KCTD16: variants seen among roughly 807,000 people sequenced by gnomAD.
The protein encoded by KCTD16 is BTB/POZ domain-containing protein KCTD16.
KCTD16 carries 13 observed loss-of-function variants against 33.2 expected under a neutral mutation model. The observed-to-expected ratio is 0.39, with a 90% CI of 0.25 to 0.62. The LOEUF (loss-of-function observed/expected upper bound fraction) is 0.62, where lower values mean the gene tolerates loss of function less well. Among genes scored for constraint, KCTD16 ranks in the 20% least tolerant of loss-of-function variants. The pLI is 0.50. For synonymous variants in KCTD16, 197 were observed against 195.3 expected (o/e 1.01, Z -0.07); for missense variants, 441 against 525.1 (o/e 0.84, Z 1.57).
intron 3 of KCTD16, among the ~76,000 whole-genome samples, chr5:144,242,347 A>G (rs1374727988): frequency 6.6e-6 from 1 of 152,060 alleles, no homozygotes; most frequent in Non-Finnish European, 1.5e-5. Flanking sequence ...TGGTAATAAA[A>G]TATTATTATT....
intron 3 of KCTD16, among the ~76,000 whole-genome samples, chr5:144,261,050 G>T (rs1252445036): frequency 6.6e-6 from 1 of 151,434 alleles, no homozygotes; most frequent in African/African-American, 2.4e-5. Context: ...ACCCCAATTG[G>T]GTCCCAATTA....
chr5:144,242,298 A>C (rs1754425386), intron 3 of KCTD16, among the ~76,000 whole-genome samples: 1 of 152,074 alleles, frequency 6.6e-6, no homozygotes, highest in Admixed American at 6.6e-5. Flanking sequence ...ACTTCTTAGC[A>C]AGTGTCTTTT....
intron 3 of KCTD16, among the ~76,000 whole-genome samples, chr5:144,457,237 A>G (rs1427211781): frequency 3.9e-5 from 6 of 152,234 alleles, no homozygotes; most frequent in African/African-American, 1.4e-4. Flanking sequence ...GTCAAGAGAG[A>G]AGATGAATAA....
Position 144,408,996 on chromosome 5 carries a change from A to G in KCTD16, c.833-64664A>G, listed in dbSNP as rs139186211. 1.7e-3 allele frequency among the ~76,000 whole-genome samples: 263 copies of G among 152,176 alleles called. 1 individual carries two copies. The highest frequency in any genetic ancestry group is 2.9e-3 in the Non-Finnish European group (199 of 67,994). The stretch of plus-strand genomic sequence containing the variant: ...TTTGTGACTCACTTATTACCAGTCT[A>G]TTGTCTATCTTCCCTCATGAGAATA... On this transcript the variant is annotated intron_variant, in intron 3 of 3. Transcript: ENST00000512467.
intron 3 of KCTD16, among the ~76,000 whole-genome samples, chr5:144,407,882 T>G (rs1752846642): frequency 6.6e-6 from 1 of 152,338 alleles, no homozygotes; most frequent in East Asian, 1.9e-4. Flanking sequence ...TCTCATTCTT[T>G]TTTATGGCTG....
intron 3 of KCTD16, among the ~76,000 whole-genome samples, chr5:144,338,113 C>T (rs1752537618): frequency 1.3e-5 from 2 of 152,256 alleles, no homozygotes; most frequent in South Asian, 2.1e-4. Context: ...TCTTCCCCAT[C>T]GTTTCCCAGA....
Position 144,473,954 on chromosome 5 carries a change from C to T in KCTD16, c.1127C>T (p.Ser376Leu), listed in dbSNP as rs766543181. The T allele has an allele frequency of 7.4e-6, 12 of 1,613,690 alleles. No individual in the cohort carries two copies. Among genetic ancestry groups the T allele is most frequent in the Admixed American group, 1.7e-5 (1 of 59,966 alleles). ...ACTCTGACTTCAGGCTCCAGGGAAT[C>T]GAACATGAGCAGCAAAAAAAAAGCT... ...LRTLTSGSRE[S>L]NMSSKKKAVK... Residue 376 changes from serine to leucine, a missense_variant, in exon 4 of 4, where the codon TCG (serine) becomes TTG (leucine). Physicochemically the swap from Ser to Leu is moderately radical, Grantham distance 145 (BLOSUM62 -2). This residue lies in a region of KCTD16 where 355 missense variants were observed against 413.0 expected (regional missense o/e 0.86). Coordinates refer to ENST00000512467, the MANE Select transcript of KCTD16 (RefSeq NM_020768.4).
chr5:144,255,124 A>G (rs1397319603), intron 3 of KCTD16, among the ~76,000 whole-genome samples: 4 of 152,156 alleles, frequency 2.6e-5, no homozygotes, highest in African/African-American at 7.2e-5. Context: ...ATGTTCATCT[A>G]TGTTGTTTAA....
At chr5:144,190,734 C>T (rs920605741) in intron 2 of KCTD16, among the ~76,000 whole-genome samples, 1 of 152,128 alleles carries the variant, frequency 6.6e-6, no homozygotes, top group African/African-American at 2.4e-5. Context: ...TTTTATTTTT[C>T]TCCACTATAT....
chr5:144,284,739 T>G (rs1755697937), intron 3 of KCTD16, among the ~76,000 whole-genome samples: 1 of 152,202 alleles, frequency 6.6e-6, no homozygotes, highest in Admixed American at 6.5e-5. Flanking sequence ...ACTTTTTATG[T>G]CAAAATCTTT....
At chr5:144,420,341 C>T (rs973154632) in intron 3 of KCTD16, among the ~76,000 whole-genome samples, 22 of 152,190 alleles carry the variant, frequency 1.4e-4, no homozygotes, top group Non-Finnish European at 8.8e-5. Flanking sequence ...GAAGTGATGG[C>T]ACACATATAC....
At chr5:144,408,405 C>T (rs1683015458) in intron 3 of KCTD16, among the ~76,000 whole-genome samples, 2 of 152,210 alleles carry the variant, frequency 1.3e-5, no homozygotes, top group South Asian at 4.1e-4. Context: ...TATGCACAGT[C>T]AGATTGCACT....
chr5:144,387,192 G>A (rs1164396689), intron 3 of KCTD16, among the ~76,000 whole-genome samples: 1 of 137,080 alleles, frequency 7.3e-6, no homozygotes, highest in Non-Finnish European at 1.5e-5. Flanking sequence ...TGCCGAGGCT[G>A]CTCTTGAACT....
intron 3 of KCTD16, among the ~76,000 whole-genome samples, chr5:144,322,923 G>T (rs1221574443): frequency 1.3e-5 from 2 of 151,960 alleles, no homozygotes; most frequent in Admixed American, 6.6e-5. Flanking sequence ...TCCTTTTATT[G>T]TGGAGAATTT....
chr5:144,414,171 A>T (rs1752995883), intron 3 of KCTD16, among the ~76,000 whole-genome samples: 2 of 152,220 alleles, frequency 1.3e-5, no homozygotes, highest in African/African-American at 4.8e-5. Flanking sequence ...TCAAGGTGTC[A>T]GTGGAGGCAT....
chr5:144,473,287 A>G (rs1754518668), intron 3 of KCTD16, among the ~76,000 whole-genome samples: 1 of 152,174 alleles, frequency 6.6e-6, no homozygotes, highest in African/African-American at 2.4e-5. Context: ...TCCTTCCTAT[A>G]ACTCCAGATA....
intron 3 of KCTD16, among the ~76,000 whole-genome samples, chr5:144,413,075 G>T (rs957378095): frequency 6.6e-6 from 1 of 152,146 alleles, no homozygotes; most frequent in Non-Finnish European, 1.5e-5. Flanking sequence ...CAAATGATAT[G>T]AATATATTAC....
intron 3 of KCTD16, among the ~76,000 whole-genome samples, chr5:144,228,680 C>A (rs1754007061): frequency 6.6e-6 from 1 of 152,074 alleles, no homozygotes; most frequent in African/African-American, 2.4e-5. Context: ...AGAAAAAAGT[C>A]AACAATTCAG....
Position 144,304,059 on chromosome 5 carries a change from A to AT in KCTD16, c.832+96517dup, listed in dbSNP as rs530810355. ...AACTCCTCCCCTTCTTTAGGTATAC[A>AT]TTTTCTGGCTCTACAAAAATATTCA... is the stretch of plus-strand genomic sequence containing the variant. On this transcript the variant is annotated intron_variant, in intron 3 of 3. Coordinates refer to ENST00000512467, the MANE Select transcript of KCTD16 (RefSeq NM_020768.4). 1.8e-4 allele frequency among the ~76,000 whole-genome samples: 28 copies of AT among 152,222 alleles called. No homozygotes were observed. In the East Asian group the frequency reaches 4.4e-3, roughly 24 times the overall value.
Sources: gnomAD v4.1 joint callset for allele counts (sites outside exome capture counted in the v4.1 genomes callset) on GRCh38, gnomAD v4.1.1 for gene constraint, gnomAD v4.1.1 regional missense constraint, MANE v1.5 for transcripts, NCBI Gene and HGNC (gene_info 2026-07-23, HGNC 2026-07-21) for gene names.